The following TLN2 variants were observed in gnomAD, a reference collection of about 807,000 sequenced individuals.
TLN2 encodes the protein talin-2.
TLN2 carries 118 observed loss-of-function variants against 294.7 expected under a neutral mutation model. That is an observed-to-expected ratio of 0.40 (90% CI 0.34 to 0.47). The LOEUF (loss-of-function observed/expected upper bound fraction) is 0.47. Ranked by LOEUF, TLN2 falls within the 20% of genes least tolerant of loss-of-function variation. The probability of loss-of-function intolerance (pLI) is 0.84; values close to 1 mark genes in which losing one functional copy is unlikely to be tolerated. For synonymous variants in TLN2, 1,431 were observed against 1,304.5 expected, an observed-to-expected ratio of 1.10 and a Z score of -2.09; for missense variants, 3,083 against 3,282.2, an observed-to-expected ratio of 0.94 and a Z score of 1.48.
intron 54 of TLN2, among the ~76,000 whole-genome samples, chr15:62,821,511 C>G (rs1406812823): frequency 2.0e-5 from 3 of 152,242 alleles, no homozygotes; most frequent in African/African-American, 4.8e-5. Context: ...AGTCTGGGCC[C>G]TGAAACAGAG....
chr15:62,495,716 T>A (rs1489065330), intron 1 of TLN2, among the ~76,000 whole-genome samples: 1 of 152,206 alleles, frequency 6.6e-6, no homozygotes, highest in African/African-American at 2.4e-5. Context: ...GGTAGACTTA[T>A]ATTACTCCTC....
At chr15:62,644,165 C>T (rs73433700) in intron 3 of TLN2, among the ~76,000 whole-genome samples, 1,546 of 150,244 alleles carry the variant, frequency 0.01, 30 homozygotes, top group African/African-American at 0.035. Flanking sequence ...CCCACCGCCC[C>T]GCCCCCATCC....
At chr15:62,579,177 A>G in intron 1 of TLN2, among the ~76,000 whole-genome samples, 1 of 152,194 alleles carries the variant, frequency 6.6e-6, no homozygotes, top group East Asian at 1.9e-4. Flanking sequence ...TTTGCATGAA[A>G]GGTGCCATAG....
At chr15:62,741,098 A>G (rs1350379662) in intron 32 of TLN2, among the ~76,000 whole-genome samples, 1 of 152,206 alleles carries the variant, frequency 6.6e-6, no homozygotes, top group Non-Finnish European at 1.5e-5. Context: ...ATTATAAAAT[A>G]GTATATATGC....
intron 7 of TLN2, among the ~76,000 whole-genome samples, chr15:62,655,576 T>A (rs2053113209): frequency 1.7e-4 from 2 of 11,796 alleles, no homozygotes; most frequent in Non-Finnish European, 3.9e-3. Flanking sequence ...ATATTATACA[T>A]TCATTGTAGC....
At chr15:62,685,618 C>T (rs1379715151) in intron 11 of TLN2, among the ~76,000 whole-genome samples, 3 of 152,164 alleles carry the variant, frequency 2.0e-5, no homozygotes, top group Non-Finnish European at 2.9e-5. Context: ...TTCACATCTT[C>T]CTCAAATCTG....
intron 1 of TLN2, among the ~76,000 whole-genome samples, chr15:62,501,585 C>G (rs1270954782): frequency 1.3e-5 from 2 of 152,164 alleles, no homozygotes; most frequent in Non-Finnish European, 2.9e-5. Flanking sequence ...AGTAAGACCA[C>G]TTGCTGTGGT....
intron 2 of TLN2, among the ~76,000 whole-genome samples, chr15:62,593,708 C>T (rs905772610): frequency 5.9e-5 from 9 of 152,104 alleles, no homozygotes; most frequent in Non-Finnish European, 4.4e-5. Flanking sequence ...CTAAAATGGC[C>T]ATTAAAGCCA....
intron 3 of TLN2, among the ~76,000 whole-genome samples, chr15:62,633,694 T>C (rs1596415211): frequency 6.6e-6 from 1 of 152,260 alleles, no homozygotes; most frequent in African/African-American, 2.4e-5. Flanking sequence ...AAAAGAACTA[T>C]ATTTAGGCTT....
chr15:62,725,042 G>C lies in TLN2; in HGVS notation c.3193G>C (p.Glu1065Gln). Reference protein sequence around the residue: ...ALNTVQTLKNELQDAKMAAVE... With the variant: ...ALNTVQTLKNQLQDAKMAAVE... ...GAATACGGTGCAGACGCTTAAGAAT[G>C]AACTGCAGGATGCCAAGATGGCAGC... Residue 1065 changes from glutamate (E) to glutamine (Q), a missense_variant, in exon 27 of 59, where the codon GAA becomes CAA. Glu to Gln is a conservative substitution (Grantham distance 29, BLOSUM62 2). Coordinates refer to ENST00000636159, the MANE Select transcript of TLN2 (RefSeq NM_015059.3). 1 of 1,613,474 alleles carries C rather than the reference G, an allele frequency of 6.2e-7. No individual in the cohort carries two copies. Among genetic ancestry groups the C allele is most frequent in the East Asian group, 2.2e-5 (1 of 44,866 alleles).
intron 1 of TLN2, among the ~76,000 whole-genome samples, chr15:62,566,624 CTTTT>C (rs757929282): frequency 2.2e-5 from 3 of 135,532 alleles, no homozygotes; most frequent in Admixed American, 7.5e-5. Context: ...AGAAACCTTC[CTTTT>C]TTTTTTTTTT....
In TLN2 at chr15:62,766,316, A is replaced by G. The variant is rs1223811453; in HGVS notation, c.5095-5A>G. Reference sequence around the variant, plus strand: ...GGATGAACTTGACACTTCTCTCCTTATCAGGCCCTGCAGGAGCAGCTGACT... The same window carrying G: ...GGATGAACTTGACACTTCTCTCCTTGTCAGGCCCTGCAGGAGCAGCTGACT... On this transcript the variant is annotated splice_polypyrimidine_tract_variant and splice_region_variant and intron_variant, in intron 40 of 58. Coordinates refer to ENST00000636159, the MANE Select transcript of TLN2 (RefSeq NM_015059.3). 1 of 1,609,958 alleles carries G rather than the reference A, an allele frequency of 6.2e-7. No homozygotes were observed.
chr15:62,800,857 G>A, intron 50 of TLN2, 88 bp downstream of exon 50: 1 of 1,116,912 alleles, frequency 9.0e-7, no homozygotes, highest in South Asian at 1.5e-5. Context: ...TACCAATGAG[G>A]TTTTACCTAA....
At chr15:62,422,200 C>T (rs1035692287) in intron 1 of TLN2, among the ~76,000 whole-genome samples, 3 of 85,328 alleles carry the variant, frequency 3.5e-5, no homozygotes, top group Non-Finnish European at 6.3e-5. Context: ...GCCTGGGCAA[C>T]AAGAGCAAAA....
At chr15:62,417,896 A>G (rs961667222) in intron 1 of TLN2, among the ~76,000 whole-genome samples, 2 of 152,174 alleles carry the variant, frequency 1.3e-5, no homozygotes, top group Non-Finnish European at 2.9e-5. Flanking sequence ...CTTTCAGAGC[A>G]GGGTGTGGTT....
chr15:62,494,264 C>G (rs1489334203), intron 1 of TLN2, among the ~76,000 whole-genome samples: 1 of 151,732 alleles, frequency 6.6e-6, no homozygotes, highest in Non-Finnish European at 1.5e-5. Context: ...GGACCCTTGA[C>G]AAAATTTAAT....
chr15:62,815,228 C>CGCTCTGCCCT (rs2067020040), intron 52 of TLN2, among the ~76,000 whole-genome samples: 10 of 145,418 alleles, frequency 6.9e-5, no homozygotes, highest in Admixed American at 6.2e-4. Flanking sequence ...CACACACACA[C>CGCTCTGCCCT]ACACTCACTC....
intron 3 of TLN2, among the ~76,000 whole-genome samples, chr15:62,641,035 C>T (rs1000818736): frequency 6.6e-6 from 1 of 151,766 alleles, no homozygotes; most frequent in Non-Finnish European, 1.5e-5. Flanking sequence ...CTCCTGACCT[C>T]AGGTAATCTA....
At chr15:62,681,093 C>A (rs904781505) in intron 11 of TLN2, among the ~76,000 whole-genome samples, 5 of 152,108 alleles carry the variant, frequency 3.3e-5, no homozygotes, top group African/African-American at 1.2e-4. Flanking sequence ...TGGGTAGATA[C>A]CCAGTAGTGG....
Sources: gnomAD v4.1 joint callset for allele counts (sites outside exome capture counted in the v4.1 genomes callset) on GRCh38, gnomAD v4.1.1 for gene constraint, MANE v1.5 for transcripts, NCBI Gene and HGNC (gene_info 2026-07-23, HGNC 2026-07-21) for gene names.